BLTP3A: variants seen among roughly 807,000 people sequenced by gnomAD.
BLTP3A encodes ICBP90 binding protein 1.
the BLTP3A span, chr6:34,857,912 T>C: frequency 1.9e-6 from 3 of 1,612,502 alleles, no homozygotes; most frequent in Non-Finnish European, 2.5e-6. Context: ...TGCATTCTGG[T>C]TGAAGGTGAG....
chr6:34,871,002 C>T, the BLTP3A span: 1 of 1,614,162 alleles, frequency 6.2e-7, no homozygotes, highest in Non-Finnish European at 8.5e-7. Context: ...ATGGCTGTGA[C>T]CTCGAGCTGC....
the BLTP3A span, among the ~76,000 whole-genome samples, chr6:34,801,452 C>A: frequency 6.6e-6 from 1 of 151,894 alleles, no homozygotes; most frequent in East Asian, 1.9e-4. Context: ...GGAGTAAGTT[C>A]CTTTAGATCA....
the BLTP3A span, chr6:34,864,119 A>G: frequency 6.8e-6 from 11 of 1,610,828 alleles, no homozygotes; most frequent in South Asian, 1.1e-4. Context: ...ATGGTGTCTC[A>G]TTGGATAGCA....
the BLTP3A span, among the ~76,000 whole-genome samples, chr6:34,857,174 G>T: frequency 6.6e-6 from 1 of 152,200 alleles, no homozygotes; most frequent in African/African-American, 2.4e-5. Context: ...TATAGTGCGA[G>T]GCAGGTGTGA....
the BLTP3A span, among the ~76,000 whole-genome samples, chr6:34,833,915 C>T: frequency 9.3e-4 from 107 of 115,102 alleles, no homozygotes; most frequent in African/African-American, 3.8e-3. Flanking sequence ...AGTGAGACTC[C>T]GTCTCAAAAA....
At chr6:34,867,711 C>G in the BLTP3A span, 1 of 1,441,658 alleles carries the variant, frequency 6.9e-7, no homozygotes, top group Non-Finnish European at 9.2e-7. Context: ...AGGGCAGCCA[C>G]TCTACTAGTG....
At chr6:34,858,758 T>C in the BLTP3A span, 12 of 1,614,222 alleles carry the variant, frequency 7.4e-6, no homozygotes, top group African/African-American at 1.2e-4. Context: ...AGTAGTGGTA[T>C]GGACAACAAA....
At chr6:34,833,808 G>C in the BLTP3A span, among the ~76,000 whole-genome samples, 7 of 151,522 alleles carry the variant, frequency 4.6e-5, no homozygotes, top group African/African-American at 9.7e-5. Context: ...GTGGCTCCCA[G>C]CTACTTGGGA....
At chr6:34,858,407 C>T in the BLTP3A span, 2 of 1,614,194 alleles carry the variant, frequency 1.2e-6, no homozygotes, top group Non-Finnish European at 1.7e-6. Flanking sequence ...ACCCTCCCTC[C>T]CCAGAGACCT....
chr6:34,859,376 A>G, the BLTP3A span: 1 of 1,614,120 alleles, frequency 6.2e-7, no homozygotes, highest in Non-Finnish European at 8.5e-7. Flanking sequence ...GGACAGGGTG[A>G]GCTCATCCCC....
the BLTP3A span, among the ~76,000 whole-genome samples, chr6:34,796,187 C>T: frequency 6.6e-6 from 1 of 152,164 alleles, no homozygotes; most frequent in Non-Finnish European, 1.5e-5. Context: ...ATTTGACCTA[C>T]AGGAGAATGG....
At chr6:34,829,933 T>C in the BLTP3A span, among the ~76,000 whole-genome samples, 1 of 151,998 alleles carries the variant, frequency 6.6e-6, no homozygotes, top group African/African-American at 2.4e-5. Context: ...GCCTCCCAAG[T>C]AGCTGGAACT....
the BLTP3A span, among the ~76,000 whole-genome samples, chr6:34,864,522 C>CTTTTTTTTTTTTTTTTTTTTT: frequency 9.1e-6 from 1 of 109,456 alleles, no homozygotes. Context: ...TGCTTATAGT[C>CTTTTTTTTTTTTTTTTTTTTT]TTTTTTTTTT....
chr6:34,871,469 G>A, the BLTP3A span: 1 of 1,019,932 alleles, frequency 9.8e-7, no homozygotes, highest in Admixed American at 2.0e-5. Flanking sequence ...TACCTTCCAA[G>A]AATGTATGGA....
the BLTP3A span, among the ~76,000 whole-genome samples, chr6:34,814,093 T>G: frequency 6.6e-6 from 1 of 152,198 alleles, no homozygotes. Context: ...CTCAGCTCAC[T>G]GCAACCTCCA....
the BLTP3A span, among the ~76,000 whole-genome samples, chr6:34,823,029 T>C: frequency 6.6e-6 from 1 of 152,122 alleles, no homozygotes; most frequent in Non-Finnish European, 1.5e-5. Context: ...CCCGTGCTTG[T>C]CATGAGGTTC....
the BLTP3A span, chr6:34,863,962 C>T: frequency 6.5e-7 from 1 of 1,537,980 alleles, no homozygotes; most frequent in African/African-American, 1.4e-5. Context: ...AACATGTCTC[C>T]AAAGCCACAT....
At chr6:34,802,759 C>T in the BLTP3A span, among the ~76,000 whole-genome samples, 1 of 152,214 alleles carries the variant, frequency 6.6e-6, no homozygotes, top group African/African-American at 2.4e-5. Flanking sequence ...GAGCACTTAA[C>T]ATGTTGAAAT....
At chr6:34,855,240 C>T in the BLTP3A span, among the ~76,000 whole-genome samples, 9 of 152,064 alleles carry the variant, frequency 5.9e-5, no homozygotes, top group African/African-American at 1.9e-4. Context: ...TCTGCCTCTT[C>T]GTGTGTTGTG....
Sources: gnomAD v4.1 joint callset for allele counts (sites outside exome capture counted in the v4.1 genomes callset) on GRCh38, gnomAD v4.1.1 for gene constraint, MANE v1.5 for transcripts, NCBI Gene and HGNC (gene_info 2026-07-23, HGNC 2026-07-21) for gene names.